The following KCNMA1 variants were observed in gnomAD, a reference collection of about 807,000 sequenced individuals.
KCNMA1 encodes the protein potassium calcium-activated channel subfamily M alpha 1.
Under a neutral mutation model 140.0 loss-of-function variants are expected in KCNMA1, and 29 were observed. The observed-to-expected ratio is 0.21, with a 90% CI of 0.15 to 0.28. KCNMA1 has a LOEUF of 0.28. Ranked by LOEUF, KCNMA1 falls within the 10% of genes least tolerant of loss-of-function variation. The pLI, the probability that KCNMA1 is intolerant of heterozygous loss-of-function variation, is 1.00. For missense variants in KCNMA1, 880 were observed against 1,602.2 expected, an observed-to-expected ratio of 0.55 and a Z score of 7.70; for synonymous variants, 612 against 611.9, an observed-to-expected ratio of 1.00 and a Z score of 0.00.
chr10:77,556,502 C>CAAAAA (rs11446237), intron 1 of KCNMA1, among the ~76,000 whole-genome samples: 15 of 68,888 alleles, frequency 2.2e-4, no homozygotes, highest in East Asian at 1.1e-3. Flanking sequence ...GGGACTATCT[C>CAAAAA]AAAAAAAAAA....
intron 1 of KCNMA1, among the ~76,000 whole-genome samples, chr10:77,570,180 G>A (rs1417951822): frequency 6.6e-6 from 1 of 151,314 alleles, no homozygotes; most frequent in Admixed American, 6.6e-5. Flanking sequence ...TCAGTGTGGC[G>A]ATTCCTCAGG....
At chr10:76,995,989 G>A (rs934450266) in intron 19 of KCNMA1, among the ~76,000 whole-genome samples, 23 of 152,016 alleles carry the variant, frequency 1.5e-4, no homozygotes, top group South Asian at 8.3e-4. Context: ...TACTGTTCCC[G>A]TCTCCTTTCA....
intron 1 of KCNMA1, among the ~76,000 whole-genome samples, chr10:77,406,048 A>G (rs950802390): frequency 2.0e-5 from 3 of 152,144 alleles, no homozygotes; most frequent in Non-Finnish European, 4.4e-5. Flanking sequence ...CAGAGCTACA[A>G]TGATCCAAGA....
intron 2 of KCNMA1, among the ~76,000 whole-genome samples, chr10:77,337,175 T>C (rs1241163478): frequency 1.3e-5 from 2 of 152,166 alleles, no homozygotes; most frequent in East Asian, 1.9e-4. Context: ...ATACAGTGAG[T>C]GGATCCTCAA....
At position 76,877,990 on chromosome 10, in the gene KCNMA1, AG is replaced by A. The variant is rs2032781776; in HGVS notation, c.3428-101del. 5 of 1,199,952 alleles carry A rather than the reference AG, an allele frequency of 4.2e-6. No individual in the cohort carries two copies. The African/African-American group carries it at 4.5e-5, about 11-fold the overall frequency. 74.3% of individuals were successfully genotyped at this position (1,199,952 alleles called of 1,614,324 possible). A position where few individuals can be genotyped will look rare whatever the true frequency, so the allele number is the denominator to read the frequency against. On this transcript the variant is annotated intron_variant, in intron 29 of 29. Coordinates refer to the KCNMA1 transcript ENST00000372403. ...GGAAAGTTCATTGAAAAACGCAAAA[AG>A]GTAATCGATAGAAGCCGACAGTGAG...
intron 2 of KCNMA1, among the ~76,000 whole-genome samples, chr10:77,382,913 C>CAT: frequency 7.5e-6 from 1 of 133,088 alleles, no homozygotes. Context: ...TACACACACA[C>CAT]ACACACATAC....
At position 77,050,654 on chromosome 10, in the gene KCNMA1, C is replaced by G. The variant is rs143007040; in HGVS notation, c.1750-11017G>C. Among the ~76,000 whole-genome samples, 10 of 152,336 alleles carry G rather than the reference C, an allele frequency of 6.6e-5. No homozygotes were observed. In the East Asian group the frequency reaches 1.9e-3, roughly 29 times the overall value. On this transcript the variant is annotated intron_variant, in intron 14 of 27. Transcript: ENST00000286628. The stretch of plus-strand genomic sequence containing the variant: ...GGGTCAAGTCTATGAGTCTGCATTT[C>G]TAACAAGCTCGCAGATGACACTGAT...
intron 23 of KCNMA1, among the ~76,000 whole-genome samples, chr10:76,938,260 T>G (rs1194348209): frequency 6.6e-6 from 1 of 152,166 alleles, no homozygotes; most frequent in Non-Finnish European, 1.5e-5. Context: ...CCCATCTGGA[T>G]TTTCCACTAA....
chr10:76,869,838 T>G (rs747960827), exon 28 of KCNMA1: 9 of 152,596 alleles, frequency 5.9e-5, no homozygotes, highest in Non-Finnish European at 1.2e-4. Context: ...GATTGAAAGA[T>G]GAATAAGCCA....
At chr10:77,353,978 G>C (rs1482178856) in intron 2 of KCNMA1, among the ~76,000 whole-genome samples, 11 of 143,530 alleles carry the variant, frequency 7.7e-5, no homozygotes, top group African/African-American at 2.2e-4. Context: ...TTTGGGGGGG[G>C]GGGTGGTGGG....
chr10:77,124,347 T>C (rs2097688791), intron 5 of KCNMA1, among the ~76,000 whole-genome samples: 1 of 152,180 alleles, frequency 6.6e-6, no homozygotes, highest in South Asian at 2.1e-4. Context: ...AGCTTTTCTT[T>C]TAATTAAGGT....
intron 7 of KCNMA1, among the ~76,000 whole-genome samples, chr10:77,110,833 T>C (rs2097302984): frequency 6.6e-6 from 1 of 151,860 alleles, no homozygotes; most frequent in South Asian, 2.1e-4. Context: ...ATCCAAAGAG[T>C]ATATATGGGC....
rs544967883 is a variant in KCNMA1 at position 77,556,805 on chromosome 10, G to GTC, written c.378+80459_378+80460insGA. Among the ~76,000 whole-genome samples the GTC allele has an allele frequency of 1.8e-3, 277 of 152,234 alleles. 1 individual carries two copies. Among genetic ancestry groups the GTC allele is most frequent in the African/African-American group, 6.4e-3 (267 of 41,540 alleles). ...AGTCATTCCATGGTGGTGCACACCT[G>GTC]TGAGTCAAAAACACCCTAAGAAAAT... On this transcript the variant is annotated intron_variant, in intron 1 of 27. Coordinates refer to ENST00000286628, the MANE Select transcript of KCNMA1 (RefSeq NM_001161352.2).
chr10:77,242,982 G>A (rs1312199091), intron 3 of KCNMA1, among the ~76,000 whole-genome samples: 2 of 150,008 alleles, frequency 1.3e-5, no homozygotes, highest in Non-Finnish European at 3.0e-5. Context: ...CAAATTCTAT[G>A]AACAAAGACA....
intron 19 of KCNMA1, among the ~76,000 whole-genome samples, chr10:76,988,840 C>T (rs1174980547): frequency 6.6e-6 from 1 of 152,194 alleles, no homozygotes; most frequent in Non-Finnish European, 1.5e-5. Context: ...CTAAGACACA[C>T]ATTTATTTTC....
chr10:77,449,197 T>C (rs189829833), intron 1 of KCNMA1, among the ~76,000 whole-genome samples: 1 of 152,168 alleles, frequency 6.6e-6, no homozygotes, highest in African/African-American at 2.4e-5. Flanking sequence ...CACCAAATTA[T>C]ATTAAATAAA....
intron 23 of KCNMA1, among the ~76,000 whole-genome samples, chr10:76,937,719 G>GC (rs1346213141): frequency 6.6e-6 from 1 of 152,168 alleles, no homozygotes; most frequent in East Asian, 1.9e-4. Flanking sequence ...TGTACCCTAT[G>GC]CCCCCAATTA....
chr10:76,947,830 T>C (rs2064672732), intron 22 of KCNMA1, among the ~76,000 whole-genome samples: 1 of 152,234 alleles, frequency 6.6e-6, no homozygotes. Flanking sequence ...ATGTACTGCT[T>C]GTGGATAGAT....
chr10:77,586,954 G>A (rs2077426827), intron 1 of KCNMA1: 1 of 152,184 alleles, frequency 6.6e-6, no homozygotes, highest in African/African-American at 2.4e-5. Flanking sequence ...GCTCTGACTA[G>A]GACACAAGTT....
Sources: allele counts gnomAD v4.1 joint callset (sites outside exome capture counted in the v4.1 genomes callset), GRCh38; gene constraint gnomAD v4.1.1; transcripts MANE v1.5; gene names NCBI Gene and HGNC (gene_info 2026-07-23, HGNC 2026-07-21).